CD163L1: variants seen among roughly 807,000 people sequenced by gnomAD.
The protein encoded by CD163L1 is scavenger receptor cysteine-rich type 1 protein M160.
A neutral mutation model predicts 165.4 loss-of-function variants in CD163L1; 124 were observed. That is an observed-to-expected ratio of 0.75 (90% CI 0.65 to 0.87). CD163L1 has a LOEUF of 0.87. Ranked by LOEUF, CD163L1 falls within the 40% of genes least tolerant of loss-of-function variation. The probability of loss-of-function intolerance (pLI) is 0.00; values close to 1 mark genes in which losing one functional copy is unlikely to be tolerated. For synonymous variants in CD163L1, 585 were observed against 662.2 expected, an observed-to-expected ratio of 0.88 and a Z score of 1.79; for missense variants, 1,525 against 1,799.9, an observed-to-expected ratio of 0.85 and a Z score of 2.76.
chr12:7,438,219 T>A (rs1209470610), intron 2 of CD163L1, among the ~76,000 whole-genome samples: 1 of 152,114 alleles, frequency 6.6e-6, no homozygotes, highest in Non-Finnish European at 1.5e-5. Flanking sequence ...TTCCCAAAAC[T>A]GGAAATAATG....
intron 5 of CD163L1, 150 bp from the exon 6 acceptor site, chr12:7,404,005 AAAATTTTAAAGATTG>A: frequency 3.7e-6 from 2 of 542,352 alleles, no homozygotes; most frequent in African/African-American, 1.9e-5. Flanking sequence ...ATTTTGTTTT[AAAATTTTAAAGATTG>A]AAATTTTAAA....
At chr12:7,338,081 C>T in the CD163L1 span, among the ~76,000 whole-genome samples, 2 of 152,092 alleles carry the variant, frequency 1.3e-5, no homozygotes, top group Middle Eastern at 3.2e-3. Flanking sequence ...AACTGAACAC[C>T]GCATGTTCTC....
intron 4 of CD163L1, among the ~76,000 whole-genome samples, chr12:7,418,309 T>C (rs1261945119): frequency 3.9e-5 from 6 of 152,018 alleles, no homozygotes; most frequent in African/African-American, 7.2e-5. Context: ...GAAATCATGA[T>C]GGAAATTTAA....
At chr12:7,329,042 CTGTATATATACATA>C in the CD163L1 span, among the ~76,000 whole-genome samples, 1 of 147,022 alleles carries the variant, frequency 6.8e-6, no homozygotes, top group Non-Finnish European at 1.5e-5. Context: ...ACTGATGTAT[CTGTATATATACATA>C]TGTATATATC....
chr12:7,329,713 G>A, the CD163L1 span, among the ~76,000 whole-genome samples: 1 of 151,854 alleles, frequency 6.6e-6, no homozygotes, highest in Non-Finnish European at 1.5e-5. Flanking sequence ...CACTTATCAA[G>A]TAACATGCTC....
chr12:7,367,189 A>G, intron 18 of CD163L1, 47 bp downstream of exon 18: 1 of 1,186,782 alleles, frequency 8.4e-7, no homozygotes, highest in Admixed American at 1.8e-5. Context: ...GTATTTCCTC[A>G]TATTCCCACC....
downstream of CD163L1, among the ~76,000 whole-genome samples, chr12:7,344,677 C>T (rs1162900501): frequency 6.6e-6 from 1 of 152,164 alleles, no homozygotes; most frequent in African/African-American, 2.4e-5. Context: ...AGTGTTCCAC[C>T]CTTGCAGCAG....
At chr12:7,422,810 G>T (rs1948465260) in intron 4 of CD163L1, among the ~76,000 whole-genome samples, 1 of 150,086 alleles carries the variant, frequency 6.7e-6, no homozygotes, top group Non-Finnish European at 1.5e-5. Context: ...CCCAATACAG[G>T]AGCACCAGAT....
At chr12:7,427,605 C>T (rs1371158896) in intron 4 of CD163L1, among the ~76,000 whole-genome samples, 1 of 152,040 alleles carries the variant, frequency 6.6e-6, no homozygotes, top group Admixed American at 6.6e-5. Context: ...TTTTCTCAAA[C>T]TCATCAGGTT....
chr12:7,332,618 G>A, the CD163L1 span, among the ~76,000 whole-genome samples: 1 of 152,166 alleles, frequency 6.6e-6, no homozygotes, highest in African/African-American at 2.4e-5. Context: ...AAGAGAGTGG[G>A]GGCCAATATT....
intron 4 of CD163L1, among the ~76,000 whole-genome samples, chr12:7,416,722 G>C (rs1189789924): frequency 6.6e-6 from 1 of 152,076 alleles, no homozygotes; most frequent in Non-Finnish European, 1.5e-5. Flanking sequence ...AGGATCAGAT[G>C]GTTGTAGGTG....
In CD163L1 at chr12:7,369,681, A is replaced by G; in HGVS notation, c.3731-16T>C. ...CTTATTCTATCTACAAAGGCACAAAACATGGCTGTCTTTACTCCTGAAGGA... is the reference window on the plus strand; with the variant it reads ...CTTATTCTATCTACAAAGGCACAAAGCATGGCTGTCTTTACTCCTGAAGGA... On this transcript the variant is annotated splice_polypyrimidine_tract_variant and intron_variant, in intron 14 of 19. Transcript: ENST00000313599. The surrounding 1 kb of genome is among the most constrained non-coding windows in gnomAD (Gnocchi z 4.9). 6.2e-7 allele frequency: 1 copy of G among 1,600,592 alleles called. No homozygotes were observed. The highest frequency in any genetic ancestry group is 8.5e-7 in the Non-Finnish European group (1 of 1,169,962).
chr12:7,365,117 C>A (rs1248252532), intron 18 of CD163L1, among the ~76,000 whole-genome samples: 1 of 151,982 alleles, frequency 6.6e-6, no homozygotes, highest in Non-Finnish European at 1.5e-5. Flanking sequence ...TAAATCCATG[C>A]ATTTATAGCC....
intron 2 of CD163L1, among the ~76,000 whole-genome samples, chr12:7,435,103 G>C (rs975410339): frequency 1.3e-5 from 2 of 151,958 alleles, no homozygotes; most frequent in African/African-American, 4.8e-5. Context: ...CACACACACA[G>C]AGATATATTC....
At chr12:7,439,516 C>G (rs768119249) in intron 2 of CD163L1, 321 of 1,579,548 alleles carry the variant, frequency 2.0e-4, no homozygotes, top group Non-Finnish European at 2.7e-4. Context: ...CTCTCTCTGC[C>G]TTAATTTTTT....
chr12:7,324,723 C>A, the CD163L1 span: 1 of 1,042,828 alleles, frequency 9.6e-7, no homozygotes, highest in Non-Finnish European at 1.4e-6. Context: ...TGCATTTGGC[C>A]AAAATATAAA....
intron 18 of CD163L1, among the ~76,000 whole-genome samples, chr12:7,365,253 T>C (rs992998140): frequency 1.6e-4 from 24 of 152,038 alleles, no homozygotes; most frequent in African/African-American, 5.5e-4. Flanking sequence ...TCATACCATA[T>C]AAAACACCAA....
At chr12:7,406,066 A>C (rs1229273066) in intron 5 of CD163L1, among the ~76,000 whole-genome samples, 2 of 152,234 alleles carry the variant, frequency 1.3e-5, no homozygotes, top group African/African-American at 2.4e-5. Flanking sequence ...CAAAGTCATA[A>C]ATTTTTAGAT....
intron 2 of CD163L1, among the ~76,000 whole-genome samples, chr12:7,438,617 G>A (rs1948771448): frequency 6.6e-6 from 1 of 152,182 alleles, no homozygotes; most frequent in Admixed American, 6.5e-5. Context: ...ACAAACCAGA[G>A]ACTAAGAGAT....
Sources: gnomAD v4.1 joint callset for allele counts (sites outside exome capture counted in the v4.1 genomes callset) on GRCh38, gnomAD v4.1.1 for gene constraint, Gnocchi (gnomAD v3.1) non-coding constraint, MANE v1.5 for transcripts, NCBI Gene and HGNC (gene_info 2026-07-23, HGNC 2026-07-21) for gene names.